MYO16: variants seen among roughly 807,000 people sequenced by gnomAD.
The protein encoded by MYO16 is unconventional myosin-XVI.
MYO16 carries 94 observed loss-of-function variants against 205.3 expected under a neutral mutation model. The ratio of observed to expected loss-of-function variants is 0.46; its 90% confidence interval spans 0.39 to 0.54. The LOEUF (loss-of-function observed/expected upper bound fraction) is 0.54, where lower values mean the gene tolerates loss of function less well. MYO16 is among the 20% of genes least tolerant of loss of function. The pLI is 0.00. For missense variants in MYO16, 2,315 were observed against 2,387.5 expected (o/e 0.97, Z 0.63); for synonymous variants, 988 against 954.0 (o/e 1.04, Z -0.66).
chr13:109,095,001 G>C (rs1425141192), intron 27 of MYO16, among the ~76,000 whole-genome samples: 2 of 152,160 alleles, frequency 1.3e-5, no homozygotes, highest in Non-Finnish European at 2.9e-5. Context: ...CAGCACCTAG[G>C]AGCATCCCCA....
intron 4 of MYO16, among the ~76,000 whole-genome samples, chr13:108,745,774 A>G (rs1566583444): frequency 6.6e-6 from 1 of 152,218 alleles, no homozygotes; most frequent in African/African-American, 2.4e-5. Context: ...ATTAATATAC[A>G]GAGGATTCTA....
rs1165682422 is a variant in MYO16 at position 109,019,817 on chromosome 13, C to G, written c.2702C>G (p.Thr901Arg). The change falls in exon 23 of 35, where the codon ACA becomes AGA. Residue 901 changes from threonine (T) to arginine (R), a missense_variant. Coordinates refer to ENST00000457511, the MANE Select transcript of MYO16 (RefSeq NM_001198950.3). The part of the protein sequence containing the change: ...KLQSLLESSN[T>R]NAVYSPMKDG... ...CAAAGTCTCCTAGAATCCTCAAACACAAATGCGGTGTACTCCCCCATGAAG... is the reference window on the plus strand; with the variant it reads ...CAAAGTCTCCTAGAATCCTCAAACAGAAATGCGGTGTACTCCCCCATGAAG... The G allele has an allele frequency of 6.2e-7, 1 of 1,614,120 alleles. No homozygotes were observed. Among genetic ancestry groups the G allele is most frequent in the Admixed American group, 1.7e-5 (1 of 60,012 alleles).
intron 16 of MYO16, among the ~76,000 whole-genome samples, chr13:108,915,162 G>A (rs1404272392): frequency 6.6e-6 from 1 of 152,164 alleles, no homozygotes; most frequent in Non-Finnish European, 1.5e-5. Context: ...TACAGATATA[G>A]ACATCACCTC....
At chr13:108,928,242 G>A (rs1369021501) in intron 16 of MYO16, among the ~76,000 whole-genome samples, 5 of 152,304 alleles carry the variant, frequency 3.3e-5, no homozygotes, top group Non-Finnish European at 5.9e-5. Context: ...ACCGACGACA[G>A]AGGGGCAGAA....
At chr13:108,645,487 A>C (rs1880712519) in intron 1 of MYO16, among the ~76,000 whole-genome samples, 1 of 152,066 alleles carries the variant, frequency 6.6e-6, no homozygotes, top group Admixed American at 6.5e-5. Context: ...AGAGAACTCA[A>C]ACTTGCCTAC....
At chr13:108,771,558 T>C (rs2138881043) in intron 4 of MYO16, among the ~76,000 whole-genome samples, 1 of 152,180 alleles carries the variant, frequency 6.6e-6, no homozygotes, top group South Asian at 2.1e-4. Context: ...AGTCTATGGA[T>C]TTGGACAAAT....
chr13:108,629,143 G>A (rs182326284), upstream of MYO16: 4 of 152,252 alleles, frequency 2.6e-5, no homozygotes, highest in Middle Eastern at 3.4e-3. Flanking sequence ...GCTTTTTGTG[G>A]ATAATTTAAG....
At chr13:108,676,372 C>CGTGTGTGTGT (rs35790433) in intron 2 of MYO16, among the ~76,000 whole-genome samples, 5,797 of 131,696 alleles carry the variant, frequency 0.044, 133 homozygotes, top group Non-Finnish European at 0.059. Flanking sequence ...TATATGTACG[C>CGTGTGTGTGT]GTGTGTGTGT....
chr13:108,667,091 C>G (rs1881765438), intron 2 of MYO16, among the ~76,000 whole-genome samples: 3 of 152,188 alleles, frequency 2.0e-5, no homozygotes, highest in Non-Finnish European at 4.4e-5. Flanking sequence ...AAAACTTTCA[C>G]TGACCTACTT....
Position 108,871,845 on chromosome 13 carries a change from A to T in MYO16, c.1425+5603A>T, listed in dbSNP as rs1363319358. 2.6e-5 allele frequency among the ~76,000 whole-genome samples: 4 copies of T among 152,152 alleles called. No homozygotes were observed. The East Asian group carries it at 7.7e-4, about 29-fold the overall frequency. The stretch of plus-strand genomic sequence containing the variant: ...GCATCCTGATTTTCTTCAAGATCTT[A>T]GCTCCCTAAGACATTGCTGCTTTGG... On this transcript the variant is annotated intron_variant, in intron 12 of 34. Transcript: ENST00000457511.
In MYO16 at chr13:108,712,681, G is replaced by T. The variant is rs760510122; in HGVS notation, c.313G>T (p.Gly105Trp). 1 of 1,614,148 alleles carries T rather than the reference G, an allele frequency of 6.2e-7. No individual in the cohort carries two copies. The highest frequency in any genetic ancestry group is 8.5e-7 in the Non-Finnish European group (1 of 1,180,010). ...DKEVLRLLKEGADPHTLVSSG... is the reference protein window; with the variant it reads ...DKEVLRLLKEWADPHTLVSSG... ...TTCAGTGCTTCGGCTCCTGAAGGAGGGGGCAGACCCCCACACCCTCGTCTC... is the reference window on the plus strand; with the variant it reads ...TTCAGTGCTTCGGCTCCTGAAGGAGTGGGCAGACCCCCACACCCTCGTCTC... Residue 105 changes from glycine to tryptophan, a missense_variant, in exon 3 of 35, where the codon GGG (glycine) becomes TGG (tryptophan). Transcript: ENST00000457511.
At chr13:108,850,912 C>T (rs999240665) in intron 10 of MYO16, among the ~76,000 whole-genome samples, 3 of 152,130 alleles carry the variant, frequency 2.0e-5, no homozygotes, top group East Asian at 1.9e-4. Context: ...CCACTGAAAA[C>T]GAGAATCCAC....
intron 25 of MYO16, 140 bp from the exon 26 acceptor site, chr13:109,054,906 C>T (rs1394282608): frequency 3.7e-6 from 2 of 540,924 alleles, no homozygotes; most frequent in Non-Finnish European, 6.5e-6. Context: ...CTTCCTCCTT[C>T]TTTTCTTCTT....
the MYO16 span, among the ~76,000 whole-genome samples, chr13:108,564,289 G>A: frequency 6.6e-6 from 1 of 151,018 alleles, no homozygotes; most frequent in Non-Finnish European, 1.5e-5. Context: ...TCCTGCTTCA[G>A]CATCCCAAGT....
intron 29 of MYO16, among the ~76,000 whole-genome samples, chr13:109,120,954 G>A (rs914128462): frequency 6.6e-6 from 1 of 152,150 alleles, no homozygotes; most frequent in Non-Finnish European, 1.5e-5. Flanking sequence ...GGAGACTGAA[G>A]TGAAGAATTC....
chr13:108,583,057 A>G, the MYO16 span, among the ~76,000 whole-genome samples: 2 of 152,338 alleles, frequency 1.3e-5, no homozygotes, highest in African/African-American at 2.4e-5. Context: ...TTAAAAATAG[A>G]TTCTATCAAA....
intron 29 of MYO16, among the ~76,000 whole-genome samples, chr13:109,121,342 C>T (rs754551329): frequency 9.2e-5 from 14 of 152,074 alleles, no homozygotes; most frequent in African/African-American, 1.4e-4. Flanking sequence ...AGTCTTCTAA[C>T]GATAAAAAGA....
In MYO16 at chr13:108,926,705, A is replaced by G. The variant is rs190541055; in HGVS notation, c.1925+16555A>G. ...TCTCAAGCAGTTTTTGGAGAGAAGT[A>G]AGAGCAGTGCCATCGACATTCACCA... On this transcript the variant is annotated intron_variant, in intron 16 of 34. Transcript: ENST00000457511. Among the ~76,000 whole-genome samples, 40 of 152,278 alleles carry G rather than the reference A, an allele frequency of 2.6e-4. No individual in the cohort carries two copies. In the East Asian group the frequency reaches 4.5e-3, roughly 17 times the overall value.
chr13:109,188,593 A>T (rs192230109), intron 34 of MYO16, among the ~76,000 whole-genome samples: 293 of 152,282 alleles, frequency 1.9e-3, no homozygotes, highest in Non-Finnish European at 4.9e-4. Flanking sequence ...GGGAGAATTG[A>T]CTCAACACCA....
Sources: allele counts gnomAD v4.1 joint callset (sites outside exome capture counted in the v4.1 genomes callset), GRCh38; gene constraint gnomAD v4.1.1; transcripts MANE v1.5; gene names NCBI Gene and HGNC (gene_info 2026-07-23, HGNC 2026-07-21).